ZFR: variants seen among roughly 807,000 people sequenced by gnomAD.
The protein encoded by ZFR is zinc finger RNA-binding protein.
In ZFR, 19 loss-of-function variants were observed where a neutral mutation model predicts 130.7. The observed-to-expected ratio is 0.15, with a 90% CI of 0.10 to 0.21. The LOEUF (loss-of-function observed/expected upper bound fraction) is 0.21, where lower values mean the gene tolerates loss of function less well. Ranked by LOEUF, ZFR falls within the 10% of genes least tolerant of loss-of-function variation. The pLI is 1.00. For synonymous variants in ZFR, 466 were observed against 456.9 expected, an observed-to-expected ratio of 1.02 and a Z score of -0.25; for missense variants, 872 against 1,321.5, an observed-to-expected ratio of 0.66 and a Z score of 5.27.
chr5:32,364,584 A>C, intron 17 of ZFR: 2 of 158,356 alleles, frequency 1.3e-5, no homozygotes, highest in African/African-American at 2.4e-5. Flanking sequence ...AAAACCAAAA[A>C]TTAGCTGGAT....
Position 32,428,933 on chromosome 5 carries a change from G to A in ZFR, c.138-8830C>T, listed in dbSNP as rs567165623. On this transcript the variant is annotated intron_variant, in intron 2 of 19. Transcript: ENST00000265069. ...GCTCACAACTTTGGGGCTACCAAACGAACCACCACAGTAGGTGAATTAGAA... is the reference window on the plus strand; with the variant it reads ...GCTCACAACTTTGGGGCTACCAAACAAACCACCACAGTAGGTGAATTAGAA... 3.6e-4 allele frequency among the ~76,000 whole-genome samples: 54 copies of A among 148,568 alleles called. No individual in the cohort carries two copies. The South Asian group carries it at 0.011, about 29-fold the overall frequency.
At chr5:32,433,224 A>C (rs13190134) in intron 2 of ZFR, among the ~76,000 whole-genome samples, 43,223 of 152,128 alleles carry the variant, frequency 0.28, 6,801 homozygotes, top group Middle Eastern at 0.44. Context: ...GGATCTTTTA[A>C]ATTATTTTAA....
At chr5:32,366,119 A>C (rs1752541599) in intron 17 of ZFR, among the ~76,000 whole-genome samples, 1 of 152,214 alleles carries the variant, frequency 6.6e-6, no homozygotes, top group South Asian at 2.1e-4. Context: ...TTTTGTAAAT[A>C]CTTAGTAAAT....
intron 4 of ZFR, among the ~76,000 whole-genome samples, chr5:32,415,776 T>C (rs1336930125): frequency 6.6e-6 from 1 of 152,160 alleles, no homozygotes; most frequent in Non-Finnish European, 1.5e-5. Context: ...CTGATGTCTG[T>C]CAACTTCTTT....
intron 2 of ZFR, among the ~76,000 whole-genome samples, chr5:32,436,303 C>A (rs1262059814): frequency 6.6e-6 from 1 of 151,618 alleles, no homozygotes; most frequent in Non-Finnish European, 1.5e-5. Context: ...CGCCCACCAC[C>A]ACGCCCGGCT....
intron 4 of ZFR, among the ~76,000 whole-genome samples, chr5:32,415,515 T>TGTGTGTGTGCGCGCGCGC (rs1326041688): frequency 2.0e-5 from 2 of 97,936 alleles, no homozygotes; most frequent in East Asian, 3.3e-4. Flanking sequence ...TGTGTGTGTG[T>TGTGTGTGTGCGCGCGCGC]GCGCGCGCGC....
intron 19 of ZFR, among the ~76,000 whole-genome samples, chr5:32,359,209 C>T (rs1433919327): frequency 1.3e-5 from 2 of 152,038 alleles, no homozygotes; most frequent in African/African-American, 4.8e-5. Context: ...ACCAAAAAAC[C>T]CCTAAAGCAA....
intron 15 of ZFR, among the ~76,000 whole-genome samples, chr5:32,385,199 T>C (rs911869198): frequency 8.6e-5 from 13 of 150,588 alleles, no homozygotes; most frequent in Non-Finnish European, 1.5e-5. Flanking sequence ...AAAACCATTT[T>C]TTCATGCATT....
chr5:32,362,347 T>C (rs939241218), intron 19 of ZFR, among the ~76,000 whole-genome samples: 32 of 152,052 alleles, frequency 2.1e-4, no homozygotes, highest in African/African-American at 6.8e-4. Flanking sequence ...AAAAGACATA[T>C]AGTGGCATAC....
intron 15 of ZFR, among the ~76,000 whole-genome samples, chr5:32,384,571 T>G (rs1172620330): frequency 6.6e-6 from 1 of 152,194 alleles, no homozygotes; most frequent in East Asian, 1.9e-4. Flanking sequence ...ATTAAGTATG[T>G]AGTACCCTCT....
intron 2 of ZFR, among the ~76,000 whole-genome samples, chr5:32,433,760 A>C (rs1436785621): frequency 6.6e-6 from 1 of 152,250 alleles, no homozygotes; most frequent in Non-Finnish European, 1.5e-5. Context: ...CATATCAAGT[A>C]TATTTTAGTG....
At chr5:32,394,438 G>C (rs936702882) in intron 11 of ZFR, 1 of 168,150 alleles carries the variant, frequency 5.9e-6, no homozygotes, top group African/African-American at 2.4e-5. Context: ...ATCGTCATCT[G>C]GCACAAACCG....
chr5:32,410,053 A>G (rs1047286264), intron 5 of ZFR, among the ~76,000 whole-genome samples: 1 of 152,184 alleles, frequency 6.6e-6, no homozygotes, highest in African/African-American at 2.4e-5. Context: ...TTTCACTTAA[A>G]AAGTACTTTT....
intron 11 of ZFR, among the ~76,000 whole-genome samples, 155 bp downstream of exon 11, chr5:32,395,004 T>C (rs1753268694): frequency 6.6e-6 from 1 of 152,218 alleles, no homozygotes; most frequent in African/African-American, 2.4e-5. Context: ...ACAATTTTAA[T>C]GCATGTCTTT....
At chr5:32,413,713 T>G (rs1753761280) in intron 5 of ZFR, among the ~76,000 whole-genome samples, 1 of 152,158 alleles carries the variant, frequency 6.6e-6, no homozygotes, top group Non-Finnish European at 1.5e-5. Context: ...TGTAATATAA[T>G]CCTAGTTACA....
chr5:32,430,499 T>C (rs931751037), intron 2 of ZFR, among the ~76,000 whole-genome samples: 4 of 152,010 alleles, frequency 2.6e-5, no homozygotes, highest in Admixed American at 6.5e-5. Flanking sequence ...TTACATCTAA[T>C]TGGAATTACA....
intron 17 of ZFR, among the ~76,000 whole-genome samples, chr5:32,376,528 G>A (rs1752813052): frequency 6.6e-6 from 1 of 151,286 alleles, no homozygotes; most frequent in Admixed American, 6.6e-5. Context: ...TGCCTGTAGT[G>A]TGTAGTGAGC....
At chr5:32,422,327 A>C (rs1175485591) in intron 2 of ZFR, among the ~76,000 whole-genome samples, 1 of 152,142 alleles carries the variant, frequency 6.6e-6, no homozygotes, top group Non-Finnish European at 1.5e-5. Context: ...ACTCTCCTAC[A>C]TGTCTCAGTT....
At position 32,402,836 on chromosome 5, in the gene ZFR, TG is replaced by T. The variant is rs1412390314; in HGVS notation, c.1516+269del. Among the ~76,000 whole-genome samples the T allele has an allele frequency of 2.7e-5, 4 of 147,274 alleles. No individual in the cohort carries two copies. The East Asian group carries it at 7.9e-4, about 29-fold the overall frequency. ...TCAGGTTACCTTAAGATTAGAGAAATGGGAAAAGGGTCTTTGTGTGTGCAGA... is the reference window on the plus strand; with the variant it reads ...TCAGGTTACCTTAAGATTAGAGAAATGGAAAAGGGTCTTTGTGTGTGCAGA... On this transcript the variant is annotated intron_variant, in intron 8 of 19. Coordinates refer to ENST00000265069, the MANE Select transcript of ZFR (RefSeq NM_016107.5).
Sources: gnomAD v4.1 joint callset for allele counts (sites outside exome capture counted in the v4.1 genomes callset) on GRCh38, gnomAD v4.1.1 for gene constraint, MANE v1.5 for transcripts, NCBI Gene and HGNC (gene_info 2026-07-23, HGNC 2026-07-21) for gene names.